Variants in ACSL6 observed in about 807,000 individuals in gnomAD.
ACSL6 encodes the protein acyl-CoA synthetase long chain family member 6.
A neutral mutation model predicts 98.2 loss-of-function variants in ACSL6; 47 were observed. The ratio of observed to expected loss-of-function variants is 0.48; its 90% CI spans 0.38 to 0.61. The LOEUF (loss-of-function observed/expected upper bound fraction) is 0.61. Ranked by LOEUF, ACSL6 falls within the 20% of genes least tolerant of loss-of-function variation. The pLI is 0.00. For missense variants in ACSL6, 761 were observed against 913.4 expected, an observed-to-expected ratio of 0.83 and a Z score of 2.15; for synonymous variants, 362 against 336.9, an observed-to-expected ratio of 1.07 and a Z score of -0.82.
At chr5:131,960,452 T>C (rs1416855268) in intron 19 of ACSL6, 68 bp downstream of exon 19, 2 of 1,334,974 alleles carry the variant, frequency 1.5e-6, no homozygotes, top group Non-Finnish European at 2.1e-6. Flanking sequence ...ACAACTTTTC[T>C]GTCTTCTCAT....
At chr5:131,994,331 T>G in intron 1 of ACSL6, 80 bp from the exon 2 acceptor site, 1 of 1,248,136 alleles carries the variant, frequency 8.0e-7, no homozygotes, top group South Asian at 1.3e-5. Context: ...GGACCTGATA[T>G]CTGGTCTGAA....
intron 1 of ACSL6, among the ~76,000 whole-genome samples, chr5:132,005,454 C>A (rs1755352194): frequency 6.6e-6 from 1 of 152,260 alleles, no homozygotes; most frequent in Non-Finnish European, 1.5e-5. Flanking sequence ...GGCCTTACTC[C>A]AGCCAACCTC....
chr5:131,999,071 G>A (rs1051667035), intron 1 of ACSL6, among the ~76,000 whole-genome samples: 2 of 152,178 alleles, frequency 1.3e-5, no homozygotes, highest in Non-Finnish European at 1.5e-5. Context: ...TCAACTCCAA[G>A]TGAAGAGCTC....
Position 131,970,178 on chromosome 5 carries a change from G to A in ACSL6, c.1457C>T (p.Thr486Ile). The A allele has an allele frequency of 6.2e-7, 1 of 1,614,062 alleles. No homozygotes were observed. Among genetic ancestry groups the A allele is most frequent in the Non-Finnish European group, 8.5e-7 (1 of 1,180,012 alleles). Reference sequence around the variant, plus strand: ...GAAGGTACATCCAGCTGTGCACTCAGTTTGGCCATAACCTTCATAAACCTT... The same window carrying A: ...GAAGGTACATCCAGCTGTGCACTCAATTTGGCCATAACCTTCATAAACCTT... ...GCQVYEGYGQ[T>I]ECTAGCTFTT... The change falls in exon 15 of 21, where the codon ACT (threonine) becomes ATT (isoleucine). Residue 486 changes from threonine to isoleucine, a missense_variant. Transcript: ENST00000651883.
At chr5:131,974,789 G>A in intron 11 of ACSL6, 104 bp downstream of exon 11, 1 of 1,612,302 alleles carries the variant, frequency 6.2e-7, no homozygotes, top group Non-Finnish European at 8.5e-7. Flanking sequence ...GTGTGCTAAA[G>A]GCAAATAGGA....
chr5:131,965,629 G>A (rs1427420270), intron 17 of ACSL6, among the ~76,000 whole-genome samples: 1 of 152,140 alleles, frequency 6.6e-6, no homozygotes, highest in Non-Finnish European at 1.5e-5. Context: ...GCCTGAGGCA[G>A]GAGAATCGCT....
At chr5:131,976,216 C>A (rs1033727316) in intron 10 of ACSL6, 5 of 985,190 alleles carry the variant, frequency 5.1e-6, no homozygotes, top group Non-Finnish European at 6.0e-6. Flanking sequence ...TAGCAGTTGC[C>A]GTTGTTTCTC....
chr5:131,955,554 G>A (rs1752360488), intron 20 of ACSL6, among the ~76,000 whole-genome samples: 1 of 152,150 alleles, frequency 6.6e-6, no homozygotes, highest in African/African-American at 2.4e-5. Context: ...TAGAAGTGGG[G>A]TTTAGATAGG....
In ACSL6 at chr5:131,994,032, T is replaced by C. The variant is rs1408584858; in HGVS notation, c.269A>G (p.Glu90Gly). ...CNLLMQSEEV[E>G]DSGGARRSVI... Reference sequence around the variant, plus strand: ...TGGAACGTCTCCTATCCTGCTCACCTCTACTTCTTCTGACTGCATCAGGAG... The same window carrying C: ...TGGAACGTCTCCTATCCTGCTCACCCCTACTTCTTCTGACTGCATCAGGAG... The change falls in exon 2 of 21, where the codon GAG becomes GGG. Residue 90 changes from glutamate to glycine, a missense_variant and splice_region_variant. Transcript: ENST00000651883. 6.2e-7 allele frequency: 1 copy of C among 1,613,510 alleles called. No individual in the cohort carries two copies. The highest frequency in any genetic ancestry group is 8.5e-7 in the Non-Finnish European group (1 of 1,179,986).
chr5:131,978,946 C>T (rs951488786), intron 9 of ACSL6, among the ~76,000 whole-genome samples: 1 of 152,168 alleles, frequency 6.6e-6, no homozygotes, highest in Non-Finnish European at 1.5e-5. Flanking sequence ...GGCACTTCCA[C>T]CCATATTGCA....
chr5:131,986,724 A>C lies in ACSL6; in HGVS notation c.864+98T>G, dbSNP rs1754208610. ...GGCTTGCACACAGGAGTTGCTTATT[A>C]ACACAGAGGTGCTGTTCTGTGCACA... On this transcript the variant is annotated intron_variant, in intron 8 of 20. Transcript: ENST00000651883. 2.1e-5 allele frequency: 30 copies of C among 1,446,604 alleles called. 1 individual carries two copies. The highest frequency in any genetic ancestry group is 2.9e-5 in the Non-Finnish European group (30 of 1,029,514). 89.6% of individuals were successfully genotyped at this position (1,446,604 alleles called of 1,614,324 possible).
chr5:131,992,016 C>T (rs1164850391), intron 2 of ACSL6, among the ~76,000 whole-genome samples: 1 of 152,164 alleles, frequency 6.6e-6, no homozygotes, highest in Non-Finnish European at 1.5e-5. Context: ...CAAGGAGAGA[C>T]TGTATGCCAG....
intron 10 of ACSL6, chr5:131,975,677 C>T: frequency 1.0e-6 from 1 of 985,348 alleles, no homozygotes; most frequent in Non-Finnish European, 1.2e-6. Flanking sequence ...AGGGAGGGCC[C>T]AGGACACATC....
At chr5:131,969,439 T>C (rs1233349210) in intron 15 of ACSL6, among the ~76,000 whole-genome samples, 1 of 151,402 alleles carries the variant, frequency 6.6e-6, no homozygotes, top group Non-Finnish European at 1.5e-5. Flanking sequence ...GGAACCACCT[T>C]TGGAGATTAT....
chr5:131,989,995 T>C (rs1754418856), intron 4 of ACSL6, 105 bp downstream of exon 4: 2 of 1,229,742 alleles, frequency 1.6e-6, no homozygotes, highest in Non-Finnish European at 2.3e-6. Context: ...GCCAGGGAAA[T>C]AAATGACCCT....
chr5:131,984,017 G>A (rs1754035445), intron 9 of ACSL6: 2 of 152,214 alleles, frequency 1.3e-5, no homozygotes, highest in Non-Finnish European at 2.9e-5. Context: ...CCAAAACCAT[G>A]TCACCAAAAA....
chr5:132,012,009 C>T (rs949683928), upstream of ACSL6: 1 of 1,469,974 alleles, frequency 6.8e-7, no homozygotes, highest in Admixed American at 2.2e-5. Flanking sequence ...ACCCCATCAA[C>T]ACGCGACCCT....
intron 5 of ACSL6, 65 bp from the exon 6 acceptor site, chr5:131,988,969 GC>G: frequency 6.9e-7 from 1 of 1,448,946 alleles, no homozygotes; most frequent in Non-Finnish European, 9.7e-7. Context: ...CTGCCCTTAG[GC>G]CTAGGTAACC....
intron 1 of ACSL6, among the ~76,000 whole-genome samples, chr5:132,000,731 G>A (rs1755043264): frequency 6.6e-6 from 1 of 152,182 alleles, no homozygotes; most frequent in African/African-American, 2.4e-5. Context: ...CCCACATCAG[G>A]TGCTTCTGGG....
Sources: allele counts gnomAD v4.1 joint callset (sites outside exome capture counted in the v4.1 genomes callset), GRCh38; gene constraint gnomAD v4.1.1; transcripts MANE v1.5; gene names NCBI Gene and HGNC (gene_info 2026-07-23, HGNC 2026-07-21).